Variants in IMPG2 observed in about 807,000 individuals in gnomAD.
IMPG2 encodes interphotoreceptor matrix proteoglycan 2.
In IMPG2, 91 loss-of-function variants were observed where a neutral mutation model predicts 129.2. That is an observed-to-expected ratio of 0.70 (90% CI 0.59 to 0.84). The LOEUF is 0.84. IMPG2 is among the 40% of genes least tolerant of loss of function. IMPG2 has a pLI of 0.00. For missense variants in IMPG2, 1,430 were observed against 1,461.7 expected (o/e 0.98, Z 0.35); for synonymous variants, 510 against 517.7 (o/e 0.99, Z 0.20).
At chr3:101,246,166 T>A in intron 11 of IMPG2, 61 bp from the exon 12 acceptor site, 14 of 1,500,240 alleles carry the variant, frequency 9.3e-6, no homozygotes, top group Non-Finnish European at 1.3e-5. Context: ...AAAGTGATTT[T>A]AAATACCACC....
chr3:101,263,071 T>C (rs990842227), intron 9 of IMPG2, among the ~76,000 whole-genome samples: 1 of 151,954 alleles, frequency 6.6e-6, no homozygotes, highest in Non-Finnish European at 1.5e-5. Context: ...TAGATATAAA[T>C]GGAGAGATAG....
At position 101,267,497 on chromosome 3, in the gene IMPG2, G is replaced by T; in HGVS notation, c.908+14C>A. 6.2e-7 allele frequency: 1 copy of T among 1,609,466 alleles called. No individual in the cohort carries two copies. Among genetic ancestry groups the T allele is most frequent in the Non-Finnish European group, 8.5e-7 (1 of 1,175,944 alleles). On this transcript the variant is annotated intron_variant, in intron 9 of 18. Coordinates refer to ENST00000193391, the MANE Select transcript of IMPG2 (RefSeq NM_016247.4). ...CCCAATTCAATGGACATTAGAGAAA[G>T]TGCCAAAAAGTACCTGTCATTTTCC...
intron 9 of IMPG2, among the ~76,000 whole-genome samples, chr3:101,262,628 G>A (rs1412579790): frequency 2.0e-5 from 3 of 151,616 alleles, no homozygotes; most frequent in Non-Finnish European, 4.4e-5. Context: ...AACAATGAGA[G>A]AAGAAATAAG....
rs763547614 is a variant in IMPG2 at position 101,243,520 on chromosome 3, T to C, written c.2802+9A>G. The C allele has an allele frequency of 5.0e-6, 8 of 1,613,150 alleles. No homozygotes were observed. The highest frequency in any genetic ancestry group is 4.4e-5 in the South Asian group (4 of 90,990). On this transcript the variant is annotated intron_variant, in intron 13 of 18. Coordinates refer to ENST00000193391, the MANE Select transcript of IMPG2 (RefSeq NM_016247.4). ...TCACTAGTGCCCATGTTTCACTTTTTATGCTTACCAATTCTAAGAATCTTT... is the reference window on the plus strand; with the variant it reads ...TCACTAGTGCCCATGTTTCACTTTTCATGCTTACCAATTCTAAGAATCTTT...
At chr3:101,241,890 G>A (rs1706411959) in intron 14 of IMPG2, among the ~76,000 whole-genome samples, 2 of 152,022 alleles carry the variant, frequency 1.3e-5, no homozygotes, top group African/African-American at 4.8e-5. Flanking sequence ...TTAGCCAGGT[G>A]TGGTGGCAGG....
In IMPG2 at chr3:101,272,116, C is replaced by CAT. The variant is rs1467490279; in HGVS notation, c.828+1464_828+1465insAT. On this transcript the variant is annotated intron_variant, in intron 7 of 18. Transcript: ENST00000193391. Reference sequence around the variant, plus strand: ...TTACACACGCACACACACACACACACACACATACACACACACACAGACACA... The same window carrying CAT: ...TTACACACGCACACACACACACACACATACACATACACACACACACAGACACA... Among the ~76,000 whole-genome samples the CAT allele has an allele frequency of 2.7e-3, 404 of 151,810 alleles. 2 individuals carry two copies. Among genetic ancestry groups the CAT allele is most frequent in the African/African-American group, 9.5e-3 (394 of 41,300 alleles).
rs1706197335 is a variant in IMPG2, at chr3:101,224,259, C to T, written c.*2710G>A. On this transcript the variant is annotated 3_prime_UTR_variant, in exon 19 of 19. Transcript: ENST00000193391. ...ATTTATCAAATAAATTCCCCTTTAT[C>T]CATAACCCATAAAAAAGGATAGTGT... 1 of 152,142 alleles carries T rather than the reference C, an allele frequency of 6.6e-6. No individual in the cohort carries two copies. The highest frequency in any genetic ancestry group is 1.5e-5 in the Non-Finnish European group (1 of 68,030). The allele number at this position is 152,142 out of a possible 1,614,324, so 9.4% of individuals were successfully genotyped here.
rs199908839 is a variant in IMPG2 at position 101,226,158 on chromosome 3, C to T, written c.*811G>A. On this transcript the variant is annotated 3_prime_UTR_variant, in exon 19 of 19. Coordinates refer to ENST00000193391, the MANE Select transcript of IMPG2 (RefSeq NM_016247.4). ...TATTCTCAGCACTGGGGTCTTGACC[C>T]GACACTCACTCCCTCCCTGCCCATG... 81 of 133,538 alleles carry T rather than the reference C, an allele frequency of 6.1e-4. No homozygotes were observed. The highest frequency in any genetic ancestry group is 4.6e-3 in the South Asian group (19 of 4,140). 8.3% of individuals were successfully genotyped at this position (133,538 alleles called of 1,614,324 possible).
chr3:101,277,871 C>T (rs1322311845), intron 4 of IMPG2, among the ~76,000 whole-genome samples: 1 of 152,210 alleles, frequency 6.6e-6, no homozygotes, highest in Non-Finnish European at 1.5e-5. Flanking sequence ...AGGAAAAGGG[C>T]TATTCCCTTA....
At chr3:101,238,996 A>T (rs1706377689) in intron 14 of IMPG2, among the ~76,000 whole-genome samples, 1 of 152,230 alleles carries the variant, frequency 6.6e-6, no homozygotes, top group Non-Finnish European at 1.5e-5. Context: ...AAAGACACAC[A>T]TAGGCTCAAA....
intron 3 of IMPG2, among the ~76,000 whole-genome samples, chr3:101,296,160 C>G (rs538106142): frequency 6.6e-6 from 1 of 152,270 alleles, no homozygotes; most frequent in Admixed American, 6.5e-5. Flanking sequence ...GGGAATGTTT[C>G]CAGCTTTTGC....
At position 101,304,253 on chromosome 3, in the gene IMPG2, C is replaced by T. The variant is rs1407202337; in HGVS notation, c.394G>A (p.Glu132Lys). Residue 132 changes from glutamate (E) to lysine (K), a missense_variant, in exon 3 of 19, where the codon GAG (glutamate) becomes AAG (lysine). Glu to Lys is a moderately conservative substitution (Grantham distance 56). Coordinates refer to ENST00000193391, the MANE Select transcript of IMPG2 (RefSeq NM_016247.4). Reference protein sequence around the residue: ...RTFWDRLPGREEYHYWMNLCE... With the variant: ...RTFWDRLPGRKEYHYWMNLCE... ...AAATTCATCCAGTAATGATATTCCT[C>T]ACGCCCAGGAAGTCGATCCCAAAAA... The T allele has an allele frequency of 6.2e-7, 1 of 1,613,946 alleles. No homozygotes were observed. Among genetic ancestry groups the T allele is most frequent in the Non-Finnish European group, 8.5e-7 (1 of 1,179,816 alleles).
chr3:101,291,431 A>G, intron 4 of IMPG2, 48 bp downstream of exon 4: 2 of 1,516,884 alleles, frequency 1.3e-6, no homozygotes. Flanking sequence ...TTAGGCTATG[A>G]CACATCTGTG....
intron 3 of IMPG2, among the ~76,000 whole-genome samples, chr3:101,298,889 T>C (rs1425103500): frequency 6.6e-6 from 1 of 152,200 alleles, no homozygotes; most frequent in Non-Finnish European, 1.5e-5. Flanking sequence ...GGGGTTGATC[T>C]TCTCATGCAG....
At chr3:101,255,790 T>C (rs1706592057) in intron 10 of IMPG2, among the ~76,000 whole-genome samples, 1 of 152,024 alleles carries the variant, frequency 6.6e-6, no homozygotes, top group Admixed American at 6.6e-5. Flanking sequence ...CAACAGAGAT[T>C]CAACAATGAC....
rs1308202204 is a variant in IMPG2, at chr3:101,228,832, A to T, written c.3678T>A (p.Asp1226Glu). 6.2e-7 allele frequency: 1 copy of T among 1,614,050 alleles called. No homozygotes were observed. ...RMRVLELYANDPEFAAFVREQ... is the reference protein window; with the variant it reads ...RMRVLELYANEPEFAAFVREQ... ...CTCTCACAAAAGCTGCAAACTCAGGATCATTGGCATACAGTTCCAAAACTC... is the reference window on the plus strand; with the variant it reads ...CTCTCACAAAAGCTGCAAACTCAGGTTCATTGGCATACAGTTCCAAAACTC... Residue 1226 changes from aspartate to glutamate, a missense_variant, in exon 18 of 19, where the codon GAT becomes GAA. Transcript: ENST00000193391.
chr3:101,317,264 TAA>T (rs532378684), intron 2 of IMPG2, among the ~76,000 whole-genome samples: 39 of 152,262 alleles, frequency 2.6e-4, no homozygotes, highest in South Asian at 8.3e-4. Context: ...AGCTATATTT[TAA>T]AAAGTCCAAC....
At chr3:101,291,958 TATC>T (rs1309755956) in intron 3 of IMPG2, among the ~76,000 whole-genome samples, 1 of 152,306 alleles carries the variant, frequency 6.6e-6, no homozygotes, top group East Asian at 1.9e-4. Context: ...AAAAAAGACA[TATC>T]ATATCAATAA....
chr3:101,304,373 A>T, intron 2 of IMPG2, 61 bp from the exon 3 acceptor site: 1 of 1,438,364 alleles, frequency 7.0e-7, no homozygotes, highest in Non-Finnish European at 9.8e-7. Flanking sequence ...TCTTACAATG[A>T]TCATAGACTG....
Sources: gnomAD v4.1 joint callset for allele counts (sites outside exome capture counted in the v4.1 genomes callset) on GRCh38, gnomAD v4.1.1 for gene constraint, MANE v1.5 for transcripts, NCBI Gene and HGNC (gene_info 2026-07-23, HGNC 2026-07-21) for gene names.